Variants in MBOAT7 observed in about 807,000 individuals in gnomAD.
The protein encoded by MBOAT7 is membrane bound acylglycerophosphatidylinositol O-acyltransferase MBOAT7, also known as membrane-bound acylglycerophosphatidylinositol O-acyltransferase MBOAT7.
In MBOAT7, 40 loss-of-function variants were observed where a neutral mutation model predicts 47.4. The ratio of observed to expected loss-of-function variants is 0.84; its 90% CI spans 0.66 to 1.10. The LOEUF (loss-of-function observed/expected upper bound fraction) is 1.10. Among genes scored for constraint, MBOAT7 ranks in the 50% least tolerant of loss-of-function variants. The pLI, the probability that MBOAT7 is intolerant of heterozygous loss-of-function variation, is 0.00. For missense variants in MBOAT7, 680 were observed against 655.6 expected, an observed-to-expected ratio of 1.04 and a Z score of -0.41; for synonymous variants, 361 against 292.0, an observed-to-expected ratio of 1.24 and a Z score of -2.41.
intron 6 of MBOAT7, chr19:54,179,902 G>C (rs2076216979): frequency 6.6e-6 from 1 of 152,220 alleles, no homozygotes; most frequent in African/African-American, 2.4e-5. Flanking sequence ...GACTGCAGCT[G>C]TCAGGAACAC....
chr19:54,178,946 G>T lies in MBOAT7; in HGVS notation c.855-5C>A, dbSNP rs1238017645. Reference sequence around the variant, plus strand: ...AAGGAAGCCGCCTTCTCCGGACTGGGGGGTGGAGGATGAGGGTGGGGGACA... The same window carrying T: ...AAGGAAGCCGCCTTCTCCGGACTGGTGGGTGGAGGATGAGGGTGGGGGACA... On this transcript the variant is annotated splice_region_variant and splice_polypyrimidine_tract_variant and intron_variant, in intron 6 of 7. Coordinates refer to ENST00000245615, the MANE Select transcript of MBOAT7 (RefSeq NM_024298.5). 21 of 1,612,204 alleles carry T rather than the reference G, an allele frequency of 1.3e-5. No individual in the cohort carries two copies. Among genetic ancestry groups the T allele is most frequent in the Non-Finnish European group, 1.8e-5 (21 of 1,179,538 alleles).
chr19:54,178,645 A>G, intron 7 of MBOAT7, 120 bp downstream of exon 7: 1 of 1,460,200 alleles, frequency 6.8e-7, no homozygotes, highest in Non-Finnish European at 9.0e-7. Flanking sequence ...GGCTAAACAA[A>G]CTACAATTCC....
At chr19:54,175,087 T>C (rs1474371834) in intron 7 of MBOAT7, among the ~76,000 whole-genome samples, 4 of 150,878 alleles carry the variant, frequency 2.7e-5, no homozygotes, top group African/African-American at 9.7e-5. Context: ...GCCATTCTCC[T>C]GCCTCAGCCT....
intron 4 of MBOAT7, 84 bp downstream of exon 4, chr19:54,187,077 G>T: frequency 6.8e-7 from 1 of 1,465,702 alleles, no homozygotes; most frequent in Non-Finnish European, 9.1e-7. Flanking sequence ...TAAAATCCCG[G>T]GGAGCCACTG....
chr19:54,179,092 G>A (rs2076197769), intron 6 of MBOAT7, 151 bp from the exon 7 acceptor site: 1 of 1,122,006 alleles, frequency 8.9e-7, no homozygotes, highest in Non-Finnish European at 1.2e-6. Context: ...GGCAGCAAGG[G>A]AGGGTGGCCC....
chr19:54,175,439 T>C (rs1265199202), intron 7 of MBOAT7, among the ~76,000 whole-genome samples: 1 of 152,184 alleles, frequency 6.6e-6, no homozygotes, highest in Admixed American at 6.5e-5. Flanking sequence ...GTGACTCTGA[T>C]GCCTGTTAAC....
At chr19:54,188,772 G>A (rs979874813) in intron 1 of MBOAT7, among the ~76,000 whole-genome samples, 1 of 152,088 alleles carries the variant, frequency 6.6e-6, no homozygotes, top group African/African-American at 2.4e-5. Flanking sequence ...ACCCAGGAAA[G>A]TGTGGGGATC....
In MBOAT7 at chr19:54,173,621, G is replaced by A. The variant is rs1045383947; in HGVS notation, c.*423C>T. 5.1e-6 allele frequency: 1 copy of A among 195,542 alleles called. No individual in the cohort carries two copies. The highest frequency in any genetic ancestry group is 2.3e-5 in the African/African-American group (1 of 42,928). 12.1% of individuals were successfully genotyped at this position (195,542 alleles called of 1,614,324 possible). A position where few individuals can be genotyped will look rare whatever the true frequency, so the allele number is the denominator to read the frequency against. ...GCTTCCTTCCAAGTCTGCAATATTG[G>A]TGCGATGAGCTAAAAGTGGAGCGAA... On this transcript the variant is annotated 3_prime_UTR_variant, in exon 8 of 8. Coordinates refer to ENST00000245615, the MANE Select transcript of MBOAT7 (RefSeq NM_024298.5).
chr19:54,180,823 G>A lies in MBOAT7; in HGVS notation c.804C>T (p.Ala268=). Residue 268 remains alanine (A), a synonymous_variant, in exon 6 of 8, where the codon GCC becomes GCT. Transcript: ENST00000245615. The surrounding 1 kb of genome is among the most constrained non-coding windows in gnomAD (Gnocchi z 5.2). ...TGGGGCCGCCTCCGGCCCGGGCTTT[G>A]GCGGCCACGGGGTAGGCCCCAAAGC... The part of the protein sequence containing the change: ...AAGFGAYPVA[A]KARAGGGPTL... The A allele has an allele frequency of 6.4e-7, 1 of 1,568,212 alleles. No individual in the cohort carries two copies.
Position 54,180,663 on chromosome 19 carries a change from G to C in MBOAT7, c.854+110C>G, listed in dbSNP as rs1316106881. The C allele has an allele frequency of 9.5e-7, 1 of 1,056,712 alleles. No homozygotes were observed. The highest frequency in any genetic ancestry group is 1.7e-5 in the South Asian group (1 of 59,190). 65.5% of individuals were successfully genotyped at this position (1,056,712 alleles called of 1,614,324 possible). A position where few individuals can be genotyped will look rare whatever the true frequency, so the allele number is the denominator to read the frequency against. On this transcript the variant is annotated intron_variant, in intron 6 of 7. Coordinates refer to ENST00000245615, the MANE Select transcript of MBOAT7 (RefSeq NM_024298.5). The surrounding 1 kb of genome is among the most constrained non-coding windows in gnomAD (Gnocchi z 5.2). ...GAGGGGGCGACACTCTGCTCAAAAA[G>C]GTGGTGGCCCTGGCCCCTTGCTCCC...
At chr19:54,185,576 G>C (rs1289457458) in intron 4 of MBOAT7, among the ~76,000 whole-genome samples, 1 of 152,190 alleles carries the variant, frequency 6.6e-6, no homozygotes, top group Non-Finnish European at 1.5e-5. Context: ...CCTGTATCAA[G>C]CCACCACAGT....
In MBOAT7 at chr19:54,183,555, G is replaced by A. The variant is rs768825195; in HGVS notation, c.459C>T (p.Leu153=). 4 of 1,608,408 alleles carry A rather than the reference G, an allele frequency of 2.5e-6. No homozygotes were observed. The highest frequency in any genetic ancestry group is 2.5e-6 in the Non-Finnish European group (3 of 1,177,594). The stretch of plus-strand genomic sequence containing the variant: ...TTCCCACGTAGCAGTAGCTGTAGCT[G>A]AGTGTCTCCATCAGGGAGGGCACGT... The part of the protein sequence containing the change: ...LPDVPSLMET[L]SYSYCYVGIM... Residue 153 remains leucine, a synonymous_variant, in exon 5 of 8, where the codon CTC becomes CTT. Coordinates refer to ENST00000245615, the MANE Select transcript of MBOAT7 (RefSeq NM_024298.5).
chr19:54,188,641 C>T, intron 1 of MBOAT7, 130 bp from the exon 2 acceptor site: 2 of 844,826 alleles, frequency 2.4e-6, no homozygotes, highest in South Asian at 1.8e-5. Flanking sequence ...TGAGCCTCAG[C>T]TCCTCTCCTT....
At chr19:54,186,198 A>G (rs2076423558) in intron 4 of MBOAT7, among the ~76,000 whole-genome samples, 1 of 151,712 alleles carries the variant, frequency 6.6e-6, no homozygotes, top group Admixed American at 6.6e-5. Context: ...TATTTTTAGT[A>G]GAGACAGGGT....
chr19:54,187,136 G>A, intron 4 of MBOAT7, 25 bp downstream of exon 4: 1 of 1,543,814 alleles, frequency 6.5e-7, no homozygotes, highest in Non-Finnish European at 8.7e-7. Context: ...GAGGCTGGAG[G>A]GGAGTGGCAA....
chr19:54,181,141 G>A lies in MBOAT7; in HGVS notation c.494-8C>T. Reference sequence around the variant, plus strand: ...GGTAGCGGAAGAACGGGCCTGTGGGGCGGGGAGGGAGGGCCGCGGTCAGAC... The same window carrying A: ...GGTAGCGGAAGAACGGGCCTGTGGGACGGGGAGGGAGGGCCGCGGTCAGAC... On this transcript the variant is annotated splice_region_variant and splice_polypyrimidine_tract_variant and intron_variant, in intron 5 of 7. Coordinates refer to ENST00000245615, the MANE Select transcript of MBOAT7 (RefSeq NM_024298.5). The A allele has an allele frequency of 4.1e-6, 6 of 1,461,436 alleles. No homozygotes were observed. Among genetic ancestry groups the A allele is most frequent in the Non-Finnish European group, 5.4e-6 (6 of 1,106,034 alleles). The allele number at this position is 1,461,436 out of a possible 1,614,324, so 90.5% of individuals were successfully genotyped here. A position where few individuals can be genotyped will look rare whatever the true frequency, so the allele number is the denominator to read the frequency against.
At chr19:54,174,569 C>T in intron 7 of MBOAT7, 138 bp from the exon 8 acceptor site, 1 of 852,050 alleles carries the variant, frequency 1.2e-6, no homozygotes, top group Non-Finnish European at 1.7e-6. Flanking sequence ...CCCTCAGACC[C>T]AGGAGTCCAG....
Position 54,178,890 on chromosome 19 carries a change from G to C in MBOAT7, c.906C>G (p.Ile302Met). Residue 302 changes from isoleucine to methionine, a missense_variant, in exon 7 of 8, where the codon ATC (isoleucine) becomes ATG (methionine). Ile to Met is a conservative substitution (Grantham distance 10, BLOSUM62 1). Coordinates refer to ENST00000245615, the MANE Select transcript of MBOAT7 (RefSeq NM_024298.5). ...CGCAGAAATCTGTGCTGTAGCAGTC[G>C]ATGTTGCGGATGGTCTCATAGTCAT... ...LEYDYETIRN[I>M]DCYSTDFCVR... is the part of the protein sequence containing the mutation. 1.2e-6 allele frequency: 2 copies of C among 1,613,550 alleles called. No homozygotes were observed. The highest frequency in any genetic ancestry group is 2.2e-5 in the South Asian group (2 of 91,084).
chr19:54,186,717 G>A (rs2076436994), intron 4 of MBOAT7, among the ~76,000 whole-genome samples: 1 of 152,154 alleles, frequency 6.6e-6, no homozygotes, highest in Admixed American at 6.6e-5. Flanking sequence ...CTGTGGGTCT[G>A]GGGTGGGCCC....
Sources: allele counts gnomAD v4.1 joint callset (sites outside exome capture counted in the v4.1 genomes callset), GRCh38; gene constraint gnomAD v4.1.1; non-coding constraint Gnocchi (gnomAD v3.1); transcripts MANE v1.5; gene names NCBI Gene and HGNC (gene_info 2026-07-23, HGNC 2026-07-21).